Variants in DPP6 observed in about 807,000 individuals in gnomAD.
DPP6 encodes the protein dipeptidyl peptidase like 6, also known as A-type potassium channel modulatory protein DPP6.
In DPP6, 69 loss-of-function variants were observed where a neutral mutation model predicts 122.6. The observed-to-expected ratio is 0.56, with a 90% CI of 0.46 to 0.69. The LOEUF (loss-of-function observed/expected upper bound fraction) is 0.69, where lower values mean the gene tolerates loss of function less well. DPP6 is among the 30% of genes least tolerant of loss of function. DPP6 has a pLI of 0.00. For synonymous variants in DPP6, 418 were observed against 433.1 expected (o/e 0.97, Z 0.43); for missense variants, 928 against 1,116.9 (o/e 0.83, Z 2.41).
chr7:154,008,431 G>A lies in DPP6; in HGVS notation c.51+120697G>A, dbSNP rs563463722. Among the ~76,000 whole-genome samples, 6 of 152,394 alleles carry A rather than the reference G, an allele frequency of 3.9e-5. No individual in the cohort carries two copies. In the East Asian group the frequency reaches 1.2e-3, roughly 29 times the overall value. ...GCATGCTGTATTACCACAGGGACTA[G>A]CGACATAGGTTTAAGCAAGTCTTCA... On this transcript the variant is annotated intron_variant, in intron 1 of 25. Transcript: ENST00000404039.
intron 1 of DPP6, among the ~76,000 whole-genome samples, chr7:154,151,118 G>T (rs970222330): frequency 6.6e-6 from 1 of 152,208 alleles, no homozygotes; most frequent in Non-Finnish European, 1.5e-5. Flanking sequence ...GGCCTCCCCA[G>T]TGCTTCCCCA....
intron 1 of DPP6, among the ~76,000 whole-genome samples, chr7:154,124,799 C>T (rs1036117068): frequency 2.5e-4 from 38 of 152,156 alleles, no homozygotes; most frequent in African/African-American, 8.7e-4. Flanking sequence ...CTGGGAGATC[C>T]GTGAGATGCC....
the DPP6 span, among the ~76,000 whole-genome samples, chr7:153,805,270 T>C: frequency 6.6e-6 from 1 of 152,334 alleles, no homozygotes; most frequent in South Asian, 2.1e-4. Flanking sequence ...ATATAGTATA[T>C]GACTGATGTA....
At chr7:154,303,409 G>A (rs998629294) in intron 1 of DPP6, among the ~76,000 whole-genome samples, 13 of 152,138 alleles carry the variant, frequency 8.5e-5, no homozygotes, top group Non-Finnish European at 1.6e-4. Flanking sequence ...ACCTTACACC[G>A]CAGTGGCTCC....
chr7:154,030,158 C>T (rs1028530968), intron 1 of DPP6, among the ~76,000 whole-genome samples: 10 of 152,230 alleles, frequency 6.6e-5, no homozygotes, highest in East Asian at 3.9e-4. Flanking sequence ...TTAGCACCAC[C>T]GCATTCCAGC....
chr7:154,595,737 T>C (rs1352377731), intron 5 of DPP6, among the ~76,000 whole-genome samples: 1 of 152,242 alleles, frequency 6.6e-6, no homozygotes, highest in African/African-American at 2.4e-5. Flanking sequence ...TGCCTCACTG[T>C]TCTTCAACAG....
chr7:154,176,282 C>G (rs1303249983), intron 1 of DPP6, among the ~76,000 whole-genome samples: 1 of 152,114 alleles, frequency 6.6e-6, no homozygotes, highest in Non-Finnish European at 1.5e-5. Context: ...TTTCCTGAAT[C>G]AGTATCTTTG....
At chr7:153,937,437 CTTTTTTTTTTTT>C (rs201001951) in intron 1 of DPP6, among the ~76,000 whole-genome samples, 1 of 115,510 alleles carries the variant, frequency 8.7e-6, no homozygotes, top group Non-Finnish European at 1.7e-5. Flanking sequence ...TCAGAGCTAA[CTTTTTTTTTTTT>C]TTTTTTTTTT....
chr7:154,076,937 G>T (rs1442340534), intron 1 of DPP6, among the ~76,000 whole-genome samples: 1 of 151,866 alleles, frequency 6.6e-6, no homozygotes, highest in African/African-American at 2.4e-5. Context: ...TGTCAGAAAA[G>T]GACCGAAAAA....
At chr7:153,941,536 C>T (rs1170479509) in intron 1 of DPP6, among the ~76,000 whole-genome samples, 5 of 152,158 alleles carry the variant, frequency 3.3e-5, no homozygotes, top group African/African-American at 1.2e-4. Flanking sequence ...GAGAGGGCCC[C>T]ACAGACTCCA....
intron 1 of DPP6, among the ~76,000 whole-genome samples, chr7:153,916,958 C>G (rs534162553): frequency 6.6e-6 from 1 of 152,302 alleles, no homozygotes; most frequent in South Asian, 2.1e-4. Context: ...TAGAGCATCG[C>G]TGATTAGTGT....
intron 3 of DPP6, among the ~76,000 whole-genome samples, chr7:154,525,221 G>A (rs1357497260): frequency 2.0e-5 from 3 of 152,198 alleles, no homozygotes; most frequent in Non-Finnish European, 2.9e-5. Flanking sequence ...ATAGCTCATT[G>A]CAGCCTCAAA....
intron 4 of DPP6, among the ~76,000 whole-genome samples, chr7:154,550,653 A>T (rs1273752150): frequency 4.6e-5 from 7 of 152,034 alleles, no homozygotes; most frequent in Admixed American, 4.6e-4. Flanking sequence ...TACCAGGTAG[A>T]CATAACATAT....
chr7:153,778,803 T>A, the DPP6 span, among the ~76,000 whole-genome samples: 2 of 151,238 alleles, frequency 1.3e-5, no homozygotes, highest in African/African-American at 4.9e-5. Context: ...AGACATTCCT[T>A]TACCATAGAC....
At chr7:154,554,698 C>T (rs1195933472) in intron 4 of DPP6, among the ~76,000 whole-genome samples, 1 of 152,048 alleles carries the variant, frequency 6.6e-6, no homozygotes, top group Non-Finnish European at 1.5e-5. Flanking sequence ...TAACTGGTAG[C>T]CCCAGATAAT....
At chr7:153,962,538 C>A (rs891597167) in intron 1 of DPP6, among the ~76,000 whole-genome samples, 1 of 152,212 alleles carries the variant, frequency 6.6e-6, no homozygotes, top group Admixed American at 6.5e-5. Context: ...AACCACCCAC[C>A]ATCATGCCGT....
rs78021675 is a variant in DPP6, at chr7:154,333,426, T to C, written c.244-112788T>C. Among the ~76,000 whole-genome samples, 1,092 of 152,270 alleles carry C rather than the reference T, an allele frequency of 7.2e-3. 45 individuals are homozygous for C. The highest frequency in any genetic ancestry group is 0.058 in the Admixed American group (882 of 15,288). On this transcript the variant is annotated intron_variant, in intron 1 of 25. Transcript: ENST00000377770. Reference sequence around the variant, plus strand: ...CATAGTGACAGTTACTCGTCTGTAATTCTGTACTTAAATCGTGAACTGCTA... The same window carrying C: ...CATAGTGACAGTTACTCGTCTGTAACTCTGTACTTAAATCGTGAACTGCTA...
At chr7:153,973,706 G>C (rs969974884) in intron 1 of DPP6, among the ~76,000 whole-genome samples, 7 of 145,580 alleles carry the variant, frequency 4.8e-5, no homozygotes, top group Admixed American at 6.9e-5. Context: ...GTCTCTTCTC[G>C]TATTGCTCCA....
chr7:154,806,939 G>C, intron 15 of DPP6, 55 bp from the exon 16 acceptor site: 1 of 1,594,452 alleles, frequency 6.3e-7, no homozygotes, highest in Non-Finnish European at 8.6e-7. Context: ...GGCACCCAGC[G>C]TGGAGGGCAG....
Sources: allele counts gnomAD v4.1 joint callset (sites outside exome capture counted in the v4.1 genomes callset), GRCh38; gene constraint gnomAD v4.1.1; transcripts MANE v1.5; gene names NCBI Gene and HGNC (gene_info 2026-07-23, HGNC 2026-07-21).